The following ENOX2 variants were observed in gnomAD, a reference collection of about 807,000 sequenced individuals.
ENOX2 encodes APK1 antigen.
In ENOX2, 36 loss-of-function variants were observed where a neutral mutation model predicts 45.0. That is an observed-to-expected ratio of 0.80 (90% confidence interval 0.61 to 1.06). The LOEUF (loss-of-function observed/expected upper bound fraction) is 1.06, where lower values mean the gene tolerates loss of function less well. Ranked by LOEUF, ENOX2 falls within the 50% of genes least tolerant of loss-of-function variation. The pLI is 0.00. For synonymous variants in ENOX2, 174 were observed against 152.3 expected, an observed-to-expected ratio of 1.14 and a Z score of -1.05; for missense variants, 423 against 462.5, an observed-to-expected ratio of 0.91 and a Z score of 0.78.
chrX:130,758,081 A>C (rs956069612), intron 3 of ENOX2, among the ~76,000 whole-genome samples: 1 of 112,164 alleles, frequency 8.9e-6, no homozygotes, highest in Non-Finnish European at 1.9e-5. Context: ...GATTATAGGC[A>C]AGGCATGAGT....
intron 3 of ENOX2, among the ~76,000 whole-genome samples, chrX:130,771,570 T>C (rs1488617945): frequency 8.9e-6 from 1 of 112,224 alleles, no homozygotes; most frequent in Non-Finnish European, 1.9e-5. Flanking sequence ...CTATCTCCTC[T>C]TCTCCATCCC....
chrX:130,785,586 C>T (rs1432834868), intron 2 of ENOX2, among the ~76,000 whole-genome samples: 1 of 111,304 alleles, frequency 9.0e-6, no homozygotes, highest in African/African-American at 3.3e-5. Flanking sequence ...TAAATCCCTA[C>T]CATGACTAGA....
intron 12 of ENOX2, among the ~76,000 whole-genome samples, chrX:130,631,993 G>T (rs1228641426): frequency 9.0e-6 from 1 of 110,551 alleles, no homozygotes; most frequent in Non-Finnish European, 1.9e-5. Flanking sequence ...GTGGAGCCAG[G>T]ATTTCATCCC....
intron 3 of ENOX2, among the ~76,000 whole-genome samples, chrX:130,730,486 T>C (rs905316820): frequency 2.7e-5 from 3 of 112,158 alleles, no homozygotes; most frequent in Non-Finnish European, 5.6e-5. Flanking sequence ...GAACTGGTAC[T>C]GACAGGAGGA....
chrX:130,725,052 G>T (rs754293013), intron 3 of ENOX2, among the ~76,000 whole-genome samples: 1 of 111,517 alleles, frequency 9.0e-6, no homozygotes, highest in African/African-American at 3.3e-5. Context: ...CTGCCTCAGG[G>T]TTCAAGGAAA....
chrX:130,876,362 ATGATT>A (rs1483962235), intron 2 of ENOX2, among the ~76,000 whole-genome samples: 1 of 111,995 alleles, frequency 8.9e-6, no homozygotes, highest in Admixed American at 9.5e-5. Flanking sequence ...CACATATTTC[ATGATT>A]CCATTCATAT....
intron 4 of ENOX2, among the ~76,000 whole-genome samples, chrX:130,698,275 C>T (rs2037813361): frequency 9.0e-6 from 1 of 111,025 alleles, no homozygotes; most frequent in African/African-American, 3.3e-5. Context: ...AGAACTCATG[C>T]ATATTCATAA....
intron 12 of ENOX2, among the ~76,000 whole-genome samples, chrX:130,632,152 G>A (rs774347914): frequency 1.8e-5 from 2 of 110,728 alleles, no homozygotes; most frequent in East Asian, 6.1e-4. Context: ...AAAAATTAGA[G>A]CTTATATTCC....
At chrX:130,674,134 C>A (rs1312921728) in intron 6 of ENOX2, among the ~76,000 whole-genome samples, 3 of 110,923 alleles carry the variant, frequency 2.7e-5, no homozygotes, top group African/African-American at 9.8e-5. Flanking sequence ...ACACTGGGGA[C>A]TCCAAAAGTG....
At chrX:130,631,128 C>T (rs991916115) in intron 13 of ENOX2, among the ~76,000 whole-genome samples, 7 of 110,663 alleles carry the variant, frequency 6.3e-5, no homozygotes, top group South Asian at 3.9e-4. Flanking sequence ...CTGCGCTAGC[C>T]CCCTGAGTGG....
intron 2 of ENOX2, among the ~76,000 whole-genome samples, chrX:130,791,739 A>G (rs746722514): frequency 8.9e-6 from 1 of 111,884 alleles, no homozygotes; most frequent in East Asian, 2.8e-4. Context: ...CATTCCTGGT[A>G]TCTTCTGCAT....
chrX:130,899,476 C>T (rs2079110353), intron 2 of ENOX2, among the ~76,000 whole-genome samples: 2 of 111,887 alleles, frequency 1.8e-5, no homozygotes, highest in Admixed American at 9.4e-5. Flanking sequence ...ATCCACAGAC[C>T]GACACCCTAC....
At chrX:130,784,674 A>C (rs1271452030) in intron 2 of ENOX2, among the ~76,000 whole-genome samples, 1 of 85,819 alleles carries the variant, frequency 1.2e-5, no homozygotes, top group African/African-American at 4.6e-5. Context: ...TGCAACCCCC[A>C]CCTCCCGGGT....
chrX:130,898,748 TTTG>T (rs2079100260), intron 2 of ENOX2, among the ~76,000 whole-genome samples: 1 of 109,230 alleles, frequency 9.2e-6, no homozygotes, highest in African/African-American at 3.3e-5. Flanking sequence ...TTTTTTTTTT[TTTG>T]TTGTTTTTGC....
intron 3 of ENOX2, among the ~76,000 whole-genome samples, chrX:130,706,888 G>C (rs1300056681): frequency 8.9e-6 from 1 of 112,061 alleles, no homozygotes; most frequent in Non-Finnish European, 1.9e-5. Flanking sequence ...GATCTCATTA[G>C]CTATGATCTT....
chrX:130,704,140 C>T (rs1312659610), intron 3 of ENOX2, among the ~76,000 whole-genome samples: 2 of 112,034 alleles, frequency 1.8e-5, no homozygotes, highest in Admixed American at 9.5e-5. Flanking sequence ...TTTTTAGCCA[C>T]TATGCTTTAC....
intron 10 of ENOX2, among the ~76,000 whole-genome samples, chrX:130,656,327 C>G (rs112647811): frequency 0.033 from 3,713 of 112,207 alleles, 72 homozygotes; most frequent in Non-Finnish European, 0.054. Context: ...AAATGCCCAG[C>G]GCTTTTTGGA....
intron 2 of ENOX2, among the ~76,000 whole-genome samples, chrX:130,891,490 GTTTTTTTTTTTT>G (rs140444679): frequency 2.2e-5 from 1 of 44,569 alleles, no homozygotes; most frequent in East Asian, 7.9e-4. Context: ...ACACTATATG[GTTTTTTTTTTTT>G]TTTTTTTTTT....
chrX:130,642,503 T>G (rs1016909035), intron 10 of ENOX2, among the ~76,000 whole-genome samples: 1 of 112,717 alleles, frequency 8.9e-6, no homozygotes, highest in South Asian at 3.7e-4. Context: ...AAAGCAGTTA[T>G]GGGGTTTGAG....
Sources: gnomAD v4.1 joint callset for allele counts (sites outside exome capture counted in the v4.1 genomes callset) on GRCh38, gnomAD v4.1.1 for gene constraint, MANE v1.5 for transcripts, NCBI Gene and HGNC (gene_info 2026-07-23, HGNC 2026-07-21) for gene names.